TNC: variants seen among roughly 807,000 people sequenced by gnomAD.
The protein encoded by TNC is tenascin C, also known as tenascin.
In TNC, 109 loss-of-function variants were observed where a neutral mutation model predicts 202.4. The observed-to-expected ratio is 0.54, with a 90% CI of 0.46 to 0.63. The LOEUF is 0.63. Among genes scored for constraint, TNC ranks in the 30% least tolerant of loss-of-function variants. TNC has a pLI of 0.00. For synonymous variants in TNC, 1,007 were observed against 1,089.7 expected (o/e 0.92, Z 1.50); for missense variants, 2,756 against 2,833.3 (o/e 0.97, Z 0.62).
At chr9:115,057,787 T>A (rs575429081) in intron 14 of TNC, among the ~76,000 whole-genome samples, 1 of 152,238 alleles carries the variant, frequency 6.6e-6, no homozygotes, top group African/African-American at 2.4e-5. Flanking sequence ...TCAAAAGATA[T>A]GAGTCCTGGC....
rs1305760496 is a variant in TNC, at chr9:115,057,289, A to G, written c.4443T>C (p.Thr1481=). 5.0e-6 allele frequency: 8 copies of G among 1,614,080 alleles called. No individual in the cohort carries two copies. Among genetic ancestry groups the G allele is most frequent in the Non-Finnish European group, 5.9e-6 (7 of 1,180,044 alleles). Residue 1481 remains threonine (T), a synonymous_variant, in exon 15 of 28, where the codon ACT becomes ACC. Transcript: ENST00000350763. ...CAGCACCAGAGATATTATATTCCACAGTCTCCAGCAACCTATTGGAATCAA... is the reference window on the plus strand; with the variant it reads ...CAGCACCAGAGATATTATATTCCACGGTCTCCAGCAACCTATTGGAATCAA... ...EIIDSNRLLE[T]VEYNISGAER...
chr9:115,095,514 G>GTA (rs367984758), intron 1 of TNC, among the ~76,000 whole-genome samples: 3 of 6,970 alleles, frequency 4.3e-4, no homozygotes, highest in African/African-American at 1.5e-3. Flanking sequence ...ATATATATAT[G>GTA]TATATATATG....
chr9:115,035,099 C>T lies in TNC; in HGVS notation c.5787+105G>A. 14 of 1,359,768 alleles carry T rather than the reference C, an allele frequency of 1.0e-5. No homozygotes were observed. The South Asian group carries it at 1.9e-4, about 19-fold the overall frequency. 84.2% of individuals were successfully genotyped at this position (1,359,768 alleles called of 1,614,324 possible). On this transcript the variant is annotated intron_variant, in intron 22 of 27. Coordinates refer to ENST00000350763, the MANE Select transcript of TNC (RefSeq NM_002160.4). The stretch of plus-strand genomic sequence containing the variant: ...CTACTAATTTTTTTTTTCAGCTCCC[C>T]AGATGCACTGGGGTAGAAAAACAGC...
At chr9:115,070,441 G>A (rs1284945793) in intron 10 of TNC, among the ~76,000 whole-genome samples, 1 of 152,234 alleles carries the variant, frequency 6.6e-6, no homozygotes, top group Non-Finnish European at 1.5e-5. Context: ...GCAAGGGAAT[G>A]AGTGGCAGGA....
chr9:115,073,974 G>C, intron 9 of TNC, 108 bp from the exon 10 acceptor site: 1 of 1,158,656 alleles, frequency 8.6e-7, no homozygotes, highest in Non-Finnish European at 1.2e-6. Flanking sequence ...TGCCACAGAG[G>C]AGCTGAGGGA....
intron 12 of TNC, 114 bp from the exon 13 acceptor site, chr9:115,063,303 A>G: frequency 1.8e-6 from 2 of 1,112,398 alleles, no homozygotes; most frequent in Non-Finnish European, 2.6e-6. Flanking sequence ...AGTGTTGATT[A>G]TAGATGCATG....
chr9:115,083,013 T>C (rs989582657), intron 4 of TNC, among the ~76,000 whole-genome samples: 2 of 152,226 alleles, frequency 1.3e-5, no homozygotes, highest in African/African-American at 4.8e-5. Flanking sequence ...ATGATTAATT[T>C]TGGCAATTTC....
At chr9:115,030,478 T>C (rs935460991) in intron 23 of TNC, 73 bp from the exon 24 acceptor site, 4 of 1,469,870 alleles carry the variant, frequency 2.7e-6, no homozygotes, top group Non-Finnish European at 3.7e-6. Context: ...TTAGCTTAAC[T>C]CTATGGACTA....
chr9:115,042,085 C>T (rs1830798132), intron 18 of TNC, 134 bp downstream of exon 18: 1 of 1,372,378 alleles, frequency 7.3e-7, no homozygotes, highest in Non-Finnish European at 9.8e-7. Flanking sequence ...CTCTTCTCTC[C>T]AGATGGTCTC....
At chr9:115,056,426 G>A (rs866231720) in intron 15 of TNC, among the ~76,000 whole-genome samples, 48 of 152,268 alleles carry the variant, frequency 3.2e-4, no homozygotes, top group African/African-American at 1.1e-3. Context: ...ATCTGACTTA[G>A]TGCACATCTC....
chr9:115,064,647 C>G lies in TNC; in HGVS notation c.3487G>C (p.Gly1163Arg). 1 of 1,598,378 alleles carries G rather than the reference C, an allele frequency of 6.3e-7. No individual in the cohort carries two copies. ...CTATAAATAGAAAGGAAAGAGATAC[C>G]TGTGGAGGCCTCAGCAGAGAGCACT... ...TPVLSAEAST[G>R]ETPNLGEVVV... Residue 1163 changes from glycine to arginine, a missense_variant and splice_region_variant, in exon 11 of 28, where the codon GGG (glycine) becomes CGG (arginine). Around this residue, in one of 2 missense-constraint regions of TNC, gnomAD observed 2,559 missense variants for 2,546.0 expected, o/e 1.01. Transcript: ENST00000350763.
rs1831194630 is a variant in TNC, at chr9:115,046,390, C to T, written c.5125+20G>A. On this transcript the variant is annotated intron_variant, in intron 17 of 27. Transcript: ENST00000350763. Reference sequence around the variant, plus strand: ...CTGAGTCATGACTTTTCTCTGTTCTCTCCTGTTTATTTACAGTACCTGTTG... The same window carrying T: ...CTGAGTCATGACTTTTCTCTGTTCTTTCCTGTTTATTTACAGTACCTGTTG... 1.2e-6 allele frequency: 2 copies of T among 1,612,592 alleles called. No homozygotes were observed. The highest frequency in any genetic ancestry group is 3.3e-5 in the Admixed American group (2 of 59,914).
At chr9:115,031,168 C>G (rs1457365000) in intron 23 of TNC, among the ~76,000 whole-genome samples, 1 of 152,166 alleles carries the variant, frequency 6.6e-6, no homozygotes, top group Non-Finnish European at 1.5e-5. Context: ...AAGGACCACA[C>G]AATTATATGG....
intron 1 of TNC, among the ~76,000 whole-genome samples, chr9:115,114,825 G>T (rs974741600): frequency 5.3e-5 from 8 of 152,182 alleles, no homozygotes; most frequent in African/African-American, 1.9e-4. Context: ...TTCCTTGAGT[G>T]TCGATTTCTT....
At chr9:115,068,809 C>G (rs1457077547) in intron 10 of TNC, among the ~76,000 whole-genome samples, 1 of 152,188 alleles carries the variant, frequency 6.6e-6, no homozygotes, top group Non-Finnish European at 1.5e-5. Context: ...ACTTGCCCAG[C>G]CCCTTTTCTT....
chr9:115,051,813 A>G (rs1051701728), intron 15 of TNC, among the ~76,000 whole-genome samples: 6 of 151,984 alleles, frequency 3.9e-5, no homozygotes, highest in Admixed American at 6.6e-5. Context: ...AAAACAGCCA[A>G]TAAAACTGGG....
At chr9:115,039,513 C>T (rs1471901295) in intron 19 of TNC, among the ~76,000 whole-genome samples, 1 of 152,232 alleles carries the variant, frequency 6.6e-6, no homozygotes, top group African/African-American at 2.4e-5. Flanking sequence ...ACCTCTCCTA[C>T]TACCCAACAT....
In TNC at chr9:115,031,555, G is replaced by T. The variant is rs1829948695; in HGVS notation, c.5918C>A (p.Thr1973Lys). Residue 1973 changes from threonine to lysine, a missense_variant and splice_region_variant, in exon 23 of 28, where the codon ACA (threonine) becomes AAA (lysine). Transcript: ENST00000350763. ...RSNMIQTIFT[T>K]IGLLYPFPKD... Reference sequence around the variant, plus strand: ...GATGGCACCCTGGGCCTCCTTACTTGTGGTGAAGATGGTCTGGATCATATT... The same window carrying T: ...GATGGCACCCTGGGCCTCCTTACTTTTGGTGAAGATGGTCTGGATCATATT... 1.3e-6 allele frequency: 2 copies of T among 1,564,480 alleles called. No homozygotes were observed. The highest frequency in any genetic ancestry group is 2.0e-5 in the Admixed American group (1 of 50,994).
intron 22 of TNC, among the ~76,000 whole-genome samples, chr9:115,033,046 C>T (rs549867387): frequency 6.6e-6 from 1 of 152,292 alleles, no homozygotes; most frequent in Admixed American, 6.5e-5. Context: ...GGAAGGTTCT[C>T]CTGCATCCTG....
Sources: gnomAD v4.1 joint callset for allele counts (sites outside exome capture counted in the v4.1 genomes callset) on GRCh38, gnomAD v4.1.1 for gene constraint, gnomAD v4.1.1 regional missense constraint, MANE v1.5 for transcripts, NCBI Gene and HGNC (gene_info 2026-07-23, HGNC 2026-07-21) for gene names.